The following PECAM1 variants were observed in gnomAD, a reference collection of about 807,000 sequenced individuals.
PECAM1 encodes the protein platelet and endothelial cell adhesion molecule 1, also known as platelet endothelial cell adhesion molecule.
Under a neutral mutation model 13.8 loss-of-function variants are expected in PECAM1, and 8 were observed. That is an observed-to-expected ratio of 0.58 (90% CI 0.34 to 1.05). The LOEUF (loss-of-function observed/expected upper bound fraction) is 1.05. Ranked by LOEUF, PECAM1 falls within the 50% of genes least tolerant of loss-of-function variation. The pLI is 0.03. For synonymous variants in PECAM1, 136 were observed against 52.6 expected (o/e 2.58, Z -6.86); for missense variants, 304 against 141.2 (o/e 2.15, Z -5.84).
In PECAM1 at chr17:64,350,380, C is replaced by T; in HGVS notation, c.2044G>A (p.Glu682Lys). 2.4e-6 allele frequency: 1 copy of T among 417,058 alleles called. No individual in the cohort carries two copies. The highest frequency in any genetic ancestry group is 4.4e-6 in the Non-Finnish European group (1 of 228,106). The allele number at this position is 417,058 out of a possible 1,614,324, so 25.8% of individuals were successfully genotyped here. A position where few individuals can be genotyped will look rare whatever the true frequency, so the allele number is the denominator to read the frequency against. The change falls in exon 12 of 16, where the codon GAG becomes AAG. Residue 682 changes from glutamate to lysine, a missense_variant and splice_region_variant. By Grantham distance (56) the Glu-to-Lys change is moderately conservative. Coordinates refer to ENST00000563924, the MANE Select transcript of PECAM1 (RefSeq NM_000442.5). Reference protein sequence around the residue: ...HAMKPINDNKEPLNSDVQYTE... With the variant: ...HAMKPINDNKKPLNSDVQYTE... ...TAAAAACATGTAATTAGATAATTAC[C>T]TTTATTATCATTTATTGGTTTCATT... is the stretch of plus-strand genomic sequence containing the variant.
chr17:64,322,686 C>T lies in PECAM1; in HGVS notation c.*1130G>A. 2 of 984,748 alleles carry T rather than the reference C, an allele frequency of 2.0e-6. No homozygotes were observed. Among genetic ancestry groups the T allele is most frequent in the Non-Finnish European group, 2.4e-6 (2 of 829,802 alleles). 61.0% of individuals were successfully genotyped at this position (984,748 alleles called of 1,614,324 possible). Reference sequence around the variant, plus strand: ...GACACTGTCAGGAATGTCTTAAGACCTCAGGAGACCACTTCTTTAGCAAGC... The same window carrying T: ...GACACTGTCAGGAATGTCTTAAGACTTCAGGAGACCACTTCTTTAGCAAGC... On this transcript the variant is annotated 3_prime_UTR_variant, in exon 16 of 16. Coordinates refer to ENST00000563924, the MANE Select transcript of PECAM1 (RefSeq NM_000442.5).
chr17:64,382,523 T>G (rs1242461082), intron 2 of PECAM1, among the ~76,000 whole-genome samples: 2 of 152,128 alleles, frequency 1.3e-5, no homozygotes, highest in Non-Finnish European at 2.9e-5. Flanking sequence ...GTTACAGAAA[T>G]AAAGTCGACT....
intron 15 of PECAM1, among the ~76,000 whole-genome samples, chr17:64,329,035 CTTCTT>C (rs1211380744): frequency 6.6e-6 from 1 of 152,102 alleles, no homozygotes; most frequent in African/African-American, 2.4e-5. Context: ...CTGTCACACT[CTTCTT>C]TTCCCATCCC....
chr17:64,350,807 C>T (rs1294124449), intron 11 of PECAM1, among the ~76,000 whole-genome samples: 1 of 152,140 alleles, frequency 6.6e-6, no homozygotes, highest in Non-Finnish European at 1.5e-5. Context: ...AAGTGATCCT[C>T]CCACCTCAGC....
At chr17:64,327,084 G>A (rs1459774820) in intron 15 of PECAM1, among the ~76,000 whole-genome samples, 1 of 152,210 alleles carries the variant, frequency 6.6e-6, no homozygotes, top group African/African-American at 2.4e-5. Context: ...TAAGAAGTGG[G>A]AAGTCAAGTG....
rs1567993708 is a variant in PECAM1 at position 64,321,747 on chromosome 17, C to G, written c.*2069G>C. 26 of 1,237,092 alleles carry G rather than the reference C, an allele frequency of 2.1e-5. No individual in the cohort carries two copies. Among genetic ancestry groups the G allele is most frequent in the Non-Finnish European group, 2.5e-5 (24 of 946,344 alleles). 76.6% of individuals were successfully genotyped at this position (1,237,092 alleles called of 1,614,324 possible). The stretch of plus-strand genomic sequence containing the variant: ...CTGCACTCCAGCCTGGGCAACAGAG[C>G]AAGCCCCTGTCTCAACAAAACAAAA... On this transcript the variant is annotated 3_prime_UTR_variant, in exon 16 of 16. Transcript: ENST00000563924.
chr17:64,350,651 T>C (rs2035700105), intron 11 of PECAM1, among the ~76,000 whole-genome samples: 1 of 150,922 alleles, frequency 6.6e-6, no homozygotes, highest in Middle Eastern at 3.4e-3. Context: ...TTCTTTTTTT[T>C]TTTTTTTTGA....
rs1555646456 is a variant in PECAM1, at chr17:64,330,312, T to A, written c.2165-590A>T. ...GGGATTACAAGTGTGAGTCACCACA[T>A]CTGGCCTCATTTAACATTTTAAACA... On this transcript the variant is annotated intron_variant, in intron 14 of 15. Transcript: ENST00000563924. 2.0e-5 allele frequency among the ~76,000 whole-genome samples: 3 copies of A among 151,944 alleles called. No individual in the cohort carries two copies. The East Asian group carries it at 5.8e-4, about 29-fold the overall frequency.
intron 14 of PECAM1, among the ~76,000 whole-genome samples, chr17:64,340,724 C>T (rs118198824): frequency 0.012 from 1,855 of 152,158 alleles, 55 homozygotes; most frequent in African/African-American, 0.042. Context: ...TCACGGGAAG[C>T]GAAGTGGGGC....
Position 64,321,749 on chromosome 17 carries a change from A to C in PECAM1, c.*2067T>G, listed in dbSNP as rs2034815671. 10 of 1,247,552 alleles carry C rather than the reference A, an allele frequency of 8.0e-6. No homozygotes were observed. The South Asian group carries it at 1.3e-4, about 16-fold the overall frequency. 77.3% of individuals were successfully genotyped at this position (1,247,552 alleles called of 1,614,324 possible). A position where few individuals can be genotyped will look rare whatever the true frequency, so the allele number is the denominator to read the frequency against. On this transcript the variant is annotated 3_prime_UTR_variant, in exon 16 of 16. Transcript: ENST00000563924. ...GCACTCCAGCCTGGGCAACAGAGCAAGCCCCTGTCTCAACAAAACAAAACA... is the reference window on the plus strand; with the variant it reads ...GCACTCCAGCCTGGGCAACAGAGCACGCCCCTGTCTCAACAAAACAAAACA...
rs781813986 is a variant in PECAM1, at chr17:64,319,640, A to AG, written c.*4175dup. The AG allele has an allele frequency of 1.3e-5, 2 of 152,100 alleles. No individual in the cohort carries two copies. Among genetic ancestry groups the AG allele is most frequent in the Non-Finnish European group, 2.9e-5 (2 of 68,018 alleles). The allele number at this position is 152,100 out of a possible 1,614,324, so 9.4% of individuals were successfully genotyped here. Reference sequence around the variant, plus strand: ...ATGTGGTGACCTGCCAGCACTTGGAAGGGGTCGCATGCACAGTGTGATTAC... The same window carrying AG: ...ATGTGGTGACCTGCCAGCACTTGGAAGGGGGTCGCATGCACAGTGTGATTAC... On this transcript the variant is annotated 3_prime_UTR_variant, in exon 16 of 16. Coordinates refer to ENST00000563924, the MANE Select transcript of PECAM1 (RefSeq NM_000442.5).
At chr17:64,388,573 T>C (rs2036649845) in intron 2 of PECAM1, among the ~76,000 whole-genome samples, 1 of 152,210 alleles carries the variant, frequency 6.6e-6, no homozygotes, top group East Asian at 1.9e-4. Context: ...GTCAGGCCTA[T>C]GGCTCCAGAC....
chr17:64,374,857 G>A (rs1031639645), intron 4 of PECAM1, among the ~76,000 whole-genome samples, 194 bp downstream of exon 4: 8 of 152,012 alleles, frequency 5.3e-5, no homozygotes, highest in Non-Finnish European at 8.8e-5. Context: ...TGTTGTTGGT[G>A]AAACTCTTGT....
At chr17:64,381,513 C>T (rs2036479749) in intron 2 of PECAM1, among the ~76,000 whole-genome samples, 1 of 152,146 alleles carries the variant, frequency 6.6e-6, no homozygotes, top group African/African-American at 2.4e-5. Flanking sequence ...AGAACCTGTC[C>T]TTTCCCTCTC....
At chr17:64,382,861 GA>G (rs1478970026) in intron 2 of PECAM1, among the ~76,000 whole-genome samples, 2 of 151,786 alleles carry the variant, frequency 1.3e-5, no homozygotes, top group Non-Finnish European at 2.9e-5. Flanking sequence ...CTAACATGGT[GA>G]AACCCCATCT....
At position 64,320,745 on chromosome 17, in the gene PECAM1, A is replaced by G. The variant is rs1320450707; in HGVS notation, c.*3071T>C. ...ACACCCAGCACAGCGTCAGGAACAC[A>G]GAGCATGATGAGCACAAGCTTGTTG... On this transcript the variant is annotated 3_prime_UTR_variant, in exon 16 of 16. Coordinates refer to ENST00000563924, the MANE Select transcript of PECAM1 (RefSeq NM_000442.5). 6.6e-6 allele frequency: 1 copy of G among 152,332 alleles called. No individual in the cohort carries two copies. Among genetic ancestry groups the G allele is most frequent in the Non-Finnish European group, 1.5e-5 (1 of 68,090 alleles). 9.4% of individuals were successfully genotyped at this position (152,332 alleles called of 1,614,324 possible). A position where few individuals can be genotyped will look rare whatever the true frequency, so the allele number is the denominator to read the frequency against.
At chr17:64,351,449 G>C (rs1028604142) in intron 11 of PECAM1, among the ~76,000 whole-genome samples, 6 of 152,154 alleles carry the variant, frequency 3.9e-5, no homozygotes, top group Admixed American at 2.6e-4. Context: ...AAGTGGCTGG[G>C]CTCAGGGGCT....
At chr17:64,340,479 A>G (rs2035397738) in intron 14 of PECAM1, among the ~76,000 whole-genome samples, 1 of 152,182 alleles carries the variant, frequency 6.6e-6, no homozygotes, top group African/African-American at 2.4e-5. Flanking sequence ...CTGCTGTACA[A>G]AGCGAGATAC....
At chr17:64,368,939 T>TC (rs1345686728) in intron 5 of PECAM1, among the ~76,000 whole-genome samples, 6 of 110,328 alleles carry the variant, frequency 5.4e-5, no homozygotes, top group Non-Finnish European at 1.2e-4. Context: ...TTCTTTTTTT[T>TC]TTTTTTTTTT....
Sources: gnomAD v4.1 joint callset for allele counts (sites outside exome capture counted in the v4.1 genomes callset) on GRCh38, gnomAD v4.1.1 for gene constraint, MANE v1.5 for transcripts, NCBI Gene and HGNC (gene_info 2026-07-23, HGNC 2026-07-21) for gene names.